The following MRTFA variants were observed in gnomAD, a reference collection of about 807,000 sequenced individuals.
The protein encoded by MRTFA is myocardin related transcription factor A, also known as myocardin-related transcription factor A.
Under a neutral mutation model 83.5 loss-of-function variants are expected in MRTFA, and 20 were observed. That is an observed-to-expected ratio of 0.24 (90% confidence interval 0.17 to 0.35). MRTFA has a LOEUF of 0.35. MRTFA is among the 10% of genes least tolerant of loss of function. The pLI is 1.00. For missense variants in MRTFA, 1,200 were observed against 1,224.7 expected, an observed-to-expected ratio of 0.98 and a Z score of 0.30; for synonymous variants, 659 against 541.2, an observed-to-expected ratio of 1.22 and a Z score of -3.02.
chr22:40,424,512 G>A (rs9611346), intron 7 of MRTFA, 131 bp from the exon 8 acceptor site: 41,101 of 926,550 alleles, frequency 0.044, 1,051 homozygotes, highest in Non-Finnish European at 0.056. Flanking sequence ...CAGGCAAGCC[G>A]AGGAGACTAG....
At chr22:40,482,864 T>C (rs1285009246) in intron 3 of MRTFA, among the ~76,000 whole-genome samples, 2 of 152,094 alleles carry the variant, frequency 1.3e-5, no homozygotes, top group Non-Finnish European at 2.9e-5. Flanking sequence ...GGACAGTGGG[T>C]TGTGCCTATA....
intron 1 of MRTFA, among the ~76,000 whole-genome samples, chr22:40,595,268 G>A (rs569621231): frequency 6.6e-6 from 1 of 151,840 alleles, no homozygotes; most frequent in South Asian, 2.1e-4. Flanking sequence ...CTACAGGTGT[G>A]CACCATTACG....
chr22:40,611,925 A>T (rs1482381085), intron 1 of MRTFA, among the ~76,000 whole-genome samples: 1 of 152,220 alleles, frequency 6.6e-6, no homozygotes, highest in Non-Finnish European at 1.5e-5. Context: ...CTATAGCTAT[A>T]CCAGAATATG....
intron 4 of MRTFA, among the ~76,000 whole-genome samples, chr22:40,455,803 AGTAT>A (rs3044520): frequency 0.38 from 54,677 of 143,010 alleles, 10,718 homozygotes; most frequent in South Asian, 0.55. Context: ...ATGGTATCCC[AGTAT>A]GTATGTATGT....
At chr22:40,529,198 C>G (rs2147272706) in intron 3 of MRTFA, among the ~76,000 whole-genome samples, 1 of 152,144 alleles carries the variant, frequency 6.6e-6, no homozygotes, top group African/African-American at 2.4e-5. Context: ...CCATACTATT[C>G]TAAAACATAC....
intron 2 of MRTFA, among the ~76,000 whole-genome samples, chr22:40,561,753 G>T (rs1265709592): frequency 1.3e-5 from 2 of 152,150 alleles, no homozygotes; most frequent in Non-Finnish European, 2.9e-5. Context: ...ATTAAAGATG[G>T]TTGCAAATTA....
At chr22:40,592,288 AT>A (rs1602472159) in intron 2 of MRTFA, among the ~76,000 whole-genome samples, 1 of 140,820 alleles carries the variant, frequency 7.1e-6, no homozygotes, top group African/African-American at 2.6e-5. Flanking sequence ...AAAAAAAATT[AT>A]TTTTTTTAAT....
chr22:40,507,112 G>A (rs984567518), intron 3 of MRTFA, among the ~76,000 whole-genome samples: 3 of 152,168 alleles, frequency 2.0e-5, no homozygotes, highest in Non-Finnish European at 4.4e-5. Flanking sequence ...TGTAAAACCA[G>A]CAATTTGGGA....
chr22:40,624,735 TAACTC>T (rs1433868865), intron 1 of MRTFA, among the ~76,000 whole-genome samples: 7 of 152,072 alleles, frequency 4.6e-5, no homozygotes, highest in African/African-American at 1.4e-4. Context: ...ACACTATAAT[TAACTC>T]AGCGTTATTT....
intron 2 of MRTFA, among the ~76,000 whole-genome samples, chr22:40,558,196 C>T (rs576635352): frequency 6.6e-6 from 1 of 151,222 alleles, no homozygotes; most frequent in Non-Finnish European, 1.5e-5. Flanking sequence ...AGTGATCCTC[C>T]CCCATCAGTC....
intron 3 of MRTFA, among the ~76,000 whole-genome samples, chr22:40,543,707 C>A (rs1164145292): frequency 1.3e-5 from 2 of 152,068 alleles, no homozygotes; most frequent in African/African-American, 2.4e-5. Context: ...ATTTTAAAAA[C>A]CCATTGGGAG....
intron 2 of MRTFA, among the ~76,000 whole-genome samples, chr22:40,580,174 T>C (rs1751713223): frequency 6.6e-6 from 1 of 152,190 alleles, no homozygotes; most frequent in Non-Finnish European, 1.5e-5. Flanking sequence ...CAATAATTTT[T>C]TTTAAACTCA....
At chr22:40,433,580 A>G (rs1302019839) in intron 5 of MRTFA, 1 of 156,746 alleles carries the variant, frequency 6.4e-6, no homozygotes, top group Non-Finnish European at 1.4e-5. Context: ...ATGCTTTCCC[A>G]CCACCATGTA....
chr22:40,628,013 T>C (rs559553250), intron 1 of MRTFA, among the ~76,000 whole-genome samples: 2 of 152,322 alleles, frequency 1.3e-5, no homozygotes, highest in East Asian at 1.9e-4. Flanking sequence ...TCCTGTTATC[T>C]AGAAGTTCCT....
At chr22:40,596,561 G>A (rs1383636906) in intron 1 of MRTFA, among the ~76,000 whole-genome samples, 1 of 152,174 alleles carries the variant, frequency 6.6e-6, no homozygotes, top group African/African-American at 2.4e-5. Context: ...CAGCACTTTG[G>A]GAGGCCAAGG....
chr22:40,495,683 G>A (rs564099955), intron 3 of MRTFA, among the ~76,000 whole-genome samples: 132 of 142,158 alleles, frequency 9.3e-4, no homozygotes, highest in Non-Finnish European at 1.5e-3. Flanking sequence ...CGCTTGAACC[G>A]GGGAGGTGGA....
rs756187336 is a variant in MRTFA, at chr22:40,418,412, C to T, written c.2326G>A (p.Ala776Thr). 47 of 1,613,938 alleles carry T rather than the reference C, an allele frequency of 2.9e-5. No individual in the cohort carries two copies. Among genetic ancestry groups the T allele is most frequent in the African/African-American group, 1.1e-4 (8 of 74,918 alleles). Reference sequence around the variant, plus strand: ...CCACTGGACAGGCCAGGGCTGTCTGCATTCTTATTGGTCACGGTGAGGACA... The same window carrying T: ...CCACTGGACAGGCCAGGGCTGTCTGTATTCTTATTGGTCACGGTGAGGACA... The change falls in exon 12 of 15, where the codon GCA becomes ACA. Residue 776 changes from alanine (A) to threonine (T), a missense_variant. Ala to Thr is a moderately conservative substitution (Grantham distance 58). Coordinates refer to ENST00000355630, the MANE Select transcript of MRTFA (RefSeq NM_020831.6).
At chr22:40,427,362 G>A (rs919661692) in intron 7 of MRTFA, among the ~76,000 whole-genome samples, 2 of 152,222 alleles carry the variant, frequency 1.3e-5, no homozygotes, top group Non-Finnish European at 2.9e-5. Context: ...CTACAATGCA[G>A]AGGAGGCCCT....
At chr22:40,424,112 G>T in intron 8 of MRTFA, 94 bp downstream of exon 8, 1 of 1,345,038 alleles carries the variant, frequency 7.4e-7, no homozygotes, top group South Asian at 1.6e-5. Flanking sequence ...CCCTGTGCCA[G>T]AGCAGGAGGC....
Sources: gnomAD v4.1 joint callset for allele counts (sites outside exome capture counted in the v4.1 genomes callset) on GRCh38, gnomAD v4.1.1 for gene constraint, MANE v1.5 for transcripts, NCBI Gene and HGNC (gene_info 2026-07-23, HGNC 2026-07-21) for gene names.